Variants in ABCA12 observed in about 807,000 individuals in gnomAD.
ABCA12 encodes the protein ATP binding cassette subfamily A member 12, also known as glucosylceramide transporter ABCA12.
In ABCA12, 156 loss-of-function variants were observed where a neutral mutation model predicts 293.5. The observed-to-expected ratio is 0.53, with a 90% CI of 0.47 to 0.61. The LOEUF is 0.61. ABCA12 is among the 20% of genes least tolerant of loss of function. ABCA12 has a pLI of 0.00. For synonymous variants in ABCA12, 1,063 were observed against 1,108.0 expected, an observed-to-expected ratio of 0.96 and a Z score of 0.81; for missense variants, 2,797 against 3,090.2, an observed-to-expected ratio of 0.91 and a Z score of 2.25.
intron 1 of ABCA12, among the ~76,000 whole-genome samples, chr2:215,122,809 G>A (rs759542053): frequency 2.0e-5 from 3 of 152,086 alleles, no homozygotes; most frequent in Non-Finnish European, 4.4e-5. Flanking sequence ...AAAAATTTGC[G>A]ATTTGGGGGT....
At chr2:215,056,348 CTCAT>C (rs1701420301) in intron 3 of ABCA12, among the ~76,000 whole-genome samples, 1 of 152,090 alleles carries the variant, frequency 6.6e-6, no homozygotes, top group African/African-American at 2.4e-5. Flanking sequence ...GAAAGACAAA[CTCAT>C]TCCCTTCTCA....
Position 215,031,907 on chromosome 2 carries a change from A to C in ABCA12, c.986-11T>G. 5.0e-6 allele frequency: 8 copies of C among 1,613,448 alleles called. No individual in the cohort carries two copies. Among genetic ancestry groups the C allele is most frequent in the Non-Finnish European group, 6.8e-6 (8 of 1,179,776 alleles). On this transcript the variant is annotated splice_polypyrimidine_tract_variant and intron_variant, in intron 8 of 52. Transcript: ENST00000272895. The stretch of plus-strand genomic sequence containing the variant: ...TATTATCGGAGTCACCTGAAGTAAT[A>C]ATTTTTATATAGGTAAACATTTAAC...
At chr2:215,124,406 G>C (rs995710254) in intron 1 of ABCA12, among the ~76,000 whole-genome samples, 4 of 152,190 alleles carry the variant, frequency 2.6e-5, no homozygotes, top group African/African-American at 9.7e-5. Flanking sequence ...GATAGTGGCT[G>C]TACTAGTTTA....
chr2:215,049,697 TAAAAACATTTCTTCCTAGAAAG>T lies in ABCA12; in HGVS notation c.600_621del (p.Phe201ThrfsTer8). On this transcript the variant is annotated frameshift_variant, in exon 6 of 53. Transcript: ENST00000272895. LOFTEE classifies it high-confidence loss of function. Reference sequence around the variant, plus strand: ...GTCATGTTAGAAAGGCAAAATTTGTTAAAAACATTTCTTCCTAGAAAGGTCCAAGAGAAGGCATCATCCACAA... The same window carrying T: ...GTCATGTTAGAAAGGCAAAATTTGTTGTCCAAGAGAAGGCATCATCCACAA... 6.2e-7 allele frequency: 1 copy of T among 1,613,678 alleles called. No homozygotes were observed.
chr2:214,989,991 C>T (rs1699879294), intron 24 of ABCA12, among the ~76,000 whole-genome samples: 1 of 152,142 alleles, frequency 6.6e-6, no homozygotes, highest in African/African-American at 2.4e-5. Context: ...TCACTCCATA[C>T]ATTTATTTCA....
intron 3 of ABCA12, among the ~76,000 whole-genome samples, chr2:215,056,616 G>T (rs1701425844): frequency 6.6e-6 from 1 of 151,890 alleles, no homozygotes; most frequent in Non-Finnish European, 1.5e-5. Context: ...GACAAGGTGT[G>T]GTGTGACAGC....
chr2:215,117,949 T>C (rs192716127), intron 1 of ABCA12, among the ~76,000 whole-genome samples: 2 of 152,328 alleles, frequency 1.3e-5, no homozygotes, highest in African/African-American at 4.8e-5. Context: ...TGCCTTTAAA[T>C]AGGGAAAGTA....
At chr2:214,979,889 G>T (rs977205495) in intron 31 of ABCA12, among the ~76,000 whole-genome samples, 1 of 152,150 alleles carries the variant, frequency 6.6e-6, no homozygotes, top group African/African-American at 2.4e-5. Context: ...TATACATCTT[G>T]CACAGTATTT....
chr2:214,935,260 T>C (rs938567571), intron 51 of ABCA12, among the ~76,000 whole-genome samples: 2 of 152,174 alleles, frequency 1.3e-5, no homozygotes, highest in Non-Finnish European at 2.9e-5. Flanking sequence ...TTGTAAAGAA[T>C]GGTCTGCTAG....
chr2:215,045,184 G>A (rs1317596676), intron 7 of ABCA12, among the ~76,000 whole-genome samples: 2 of 152,132 alleles, frequency 1.3e-5, no homozygotes, highest in Non-Finnish European at 2.9e-5. Context: ...TAGCTATACA[G>A]GGCAATCAAA....
intron 17 of ABCA12, among the ~76,000 whole-genome samples, chr2:215,011,064 C>T (rs1574981007): frequency 6.6e-6 from 1 of 152,228 alleles, no homozygotes; most frequent in East Asian, 1.9e-4. Flanking sequence ...AAAAAAATTT[C>T]AACCCAAACA....
At chr2:215,122,350 C>A (rs1702823992) in intron 1 of ABCA12, among the ~76,000 whole-genome samples, 1 of 152,176 alleles carries the variant, frequency 6.6e-6, no homozygotes, top group Non-Finnish European at 1.5e-5. Context: ...GAACATTGAT[C>A]ACATAGTTGA....
chr2:215,092,113 T>A (rs997348060), intron 2 of ABCA12, among the ~76,000 whole-genome samples: 1 of 152,142 alleles, frequency 6.6e-6, no homozygotes, highest in African/African-American at 2.4e-5. Flanking sequence ...TCACAGACGT[T>A]TTTGGTAACT....
intron 38 of ABCA12, among the ~76,000 whole-genome samples, chr2:214,967,850 A>G (rs1699298802): frequency 6.6e-6 from 1 of 152,164 alleles, no homozygotes; most frequent in Non-Finnish European, 1.5e-5. Context: ...AAGACTGTGT[A>G]TGTCTCTTAC....
intron 23 of ABCA12, among the ~76,000 whole-genome samples, chr2:214,995,217 A>G (rs1245454778): frequency 6.6e-6 from 1 of 152,232 alleles, no homozygotes; most frequent in African/African-American, 2.4e-5. Flanking sequence ...ATAGCAATTA[A>G]CTTGGTTTTC....
At position 214,997,681 on chromosome 2, in the gene ABCA12, G is replaced by C. The variant is rs199937047; in HGVS notation, c.3294+14C>G. 1,741 of 1,548,484 alleles carry C rather than the reference G, an allele frequency of 1.1e-3. 7 individuals are homozygous for C. Among genetic ancestry groups the C allele is most frequent in the South Asian group, 3.0e-3 (268 of 89,396 alleles). On this transcript the variant is annotated intron_variant, in intron 23 of 52. Coordinates refer to ENST00000272895, the MANE Select transcript of ABCA12 (RefSeq NM_173076.3). ...ACAGGACTTATTCATAACAAGAAGT[G>C]ATTTTCAACATACCTCATGAAGCCG...
intron 1 of ABCA12, among the ~76,000 whole-genome samples, chr2:215,132,440 T>C (rs971139282): frequency 2.6e-5 from 4 of 152,068 alleles, no homozygotes; most frequent in African/African-American, 9.7e-5. Flanking sequence ...TAATATATAC[T>C]TGGGATAGTT....
intron 39 of ABCA12, among the ~76,000 whole-genome samples, chr2:214,959,770 T>C (rs2105938861): frequency 6.6e-6 from 1 of 152,324 alleles, no homozygotes; most frequent in South Asian, 2.1e-4. Context: ...CTCCCAGTGT[T>C]GTTTATACTT....
chr2:215,093,848 G>A (rs1385673538), intron 2 of ABCA12, among the ~76,000 whole-genome samples: 2 of 151,988 alleles, frequency 1.3e-5, no homozygotes, highest in Non-Finnish European at 2.9e-5. Context: ...TACCACACCT[G>A]ACCCCCATGA....
Sources: gnomAD v4.1 joint callset for allele counts (sites outside exome capture counted in the v4.1 genomes callset) on GRCh38, gnomAD v4.1.1 for gene constraint, MANE v1.5 for transcripts, NCBI Gene and HGNC (gene_info 2026-07-23, HGNC 2026-07-21) for gene names.